Variants in RPF2 observed in about 807,000 individuals in gnomAD.
RPF2 encodes brix domain containing 1.
RPF2 carries 21 observed loss-of-function variants against 38.9 expected under a neutral mutation model. That is an observed-to-expected ratio of 0.54 (90% CI 0.38 to 0.78). RPF2 has a LOEUF of 0.78. Ranked by LOEUF, RPF2 falls within the 30% of genes least tolerant of loss-of-function variation. The probability of loss-of-function intolerance (pLI) is 0.00; values close to 1 mark genes in which losing one functional copy is unlikely to be tolerated. For synonymous variants in RPF2, 121 were observed against 126.2 expected, an observed-to-expected ratio of 0.96 and a Z score of 0.28; for missense variants, 314 against 358.1, an observed-to-expected ratio of 0.88 and a Z score of 0.99.
At chr6:110,983,431 C>T (rs763217348) in intron 1 of RPF2, among the ~76,000 whole-genome samples, 4 of 152,086 alleles carry the variant, frequency 2.6e-5, no homozygotes, top group Non-Finnish European at 5.9e-5. Flanking sequence ...ACTGCAGCCT[C>T]GACCTCCCTG....
rs1321509237 is a variant in RPF2, at chr6:111,026,853, A to AT, written c.*1274dup. On this transcript the variant is annotated 3_prime_UTR_variant, in exon 10 of 10. Transcript: ENST00000441448. Reference sequence around the variant, plus strand: ...AAGGTACAGACATACGCAAATCATAATTTGTTACATGAAGTACCAGTGCTT... The same window carrying AT: ...AAGGTACAGACATACGCAAATCATAATTTTGTTACATGAAGTACCAGTGCTT... 2.6e-5 allele frequency: 4 copies of AT among 152,198 alleles called. No individual in the cohort carries two copies. Among genetic ancestry groups the AT allele is most frequent in the African/African-American group, 9.7e-5 (4 of 41,448 alleles). 9.4% of individuals were successfully genotyped at this position (152,198 alleles called of 1,614,324 possible).
Position 110,997,173 on chromosome 6 carries a change from G to C in RPF2, c.235-10G>C. The C allele has an allele frequency of 6.6e-7, 1 of 1,513,512 alleles. No individual in the cohort carries two copies. The highest frequency in any genetic ancestry group is 1.1e-5 in the South Asian group (1 of 87,938). The allele number at this position is 1,513,512 out of a possible 1,614,324, so 93.8% of individuals were successfully genotyped here. On this transcript the variant is annotated splice_polypyrimidine_tract_variant and intron_variant, in intron 4 of 9. Coordinates refer to ENST00000441448, the MANE Select transcript of RPF2 (RefSeq NM_032194.3). ...TGCATGGACTAAATGGGATTTATTT[G>C]GTTTTATAGGAATTCTTTTCAAAGA...
At chr6:111,000,549 C>T (rs574812087) in intron 6 of RPF2, among the ~76,000 whole-genome samples, 1 of 152,134 alleles carries the variant, frequency 6.6e-6, no homozygotes, top group Non-Finnish European at 1.5e-5. Flanking sequence ...GGAGTTGCAT[C>T]TTTGTTTTAA....
intron 8 of RPF2, among the ~76,000 whole-genome samples, chr6:111,021,112 C>T (rs779139558): frequency 7.9e-5 from 12 of 152,062 alleles, no homozygotes; most frequent in African/African-American, 1.2e-4. Context: ...GAGATTGCAG[C>T]GAGCCTAGAT....
intron 8 of RPF2, among the ~76,000 whole-genome samples, chr6:111,019,729 CAT>C (rs1014054152): frequency 3.3e-5 from 5 of 151,988 alleles, no homozygotes; most frequent in African/African-American, 1.2e-4. Context: ...CCATCTCAGA[CAT>C]AAAGTAATAA....
intron 4 of RPF2, among the ~76,000 whole-genome samples, chr6:110,995,272 C>T (rs1471476271): frequency 6.6e-6 from 1 of 152,176 alleles, no homozygotes; most frequent in Non-Finnish European, 1.5e-5. Context: ...GGTGTGTTCA[C>T]ATATGACATC....
At chr6:110,984,907 T>C in intron 1 of RPF2, 99 bp from the exon 2 acceptor site, 2 of 1,277,348 alleles carry the variant, frequency 1.6e-6, no homozygotes, top group Non-Finnish European at 2.2e-6. Context: ...GAACCCTAAG[T>C]GACAAATATG....
At chr6:111,024,689 G>T (rs1177956945) in intron 9 of RPF2, among the ~76,000 whole-genome samples, 2 of 148,836 alleles carry the variant, frequency 1.3e-5, no homozygotes, top group Non-Finnish European at 3.0e-5. Context: ...CTCCAGCGTG[G>T]GTGACAGAGT....
At chr6:110,990,876 A>G (rs1771608985) in intron 3 of RPF2, among the ~76,000 whole-genome samples, 1 of 152,114 alleles carries the variant, frequency 6.6e-6, no homozygotes, top group South Asian at 2.1e-4. Context: ...CCCAGCTGGG[A>G]ACTCTTTTAC....
At chr6:111,025,013 G>T (rs1019051909) in intron 9 of RPF2, among the ~76,000 whole-genome samples, 1 of 152,180 alleles carries the variant, frequency 6.6e-6, no homozygotes, top group Non-Finnish European at 1.5e-5. Context: ...AAGACAAGAA[G>T]AAATGTAATC....
intron 8 of RPF2, among the ~76,000 whole-genome samples, chr6:111,020,892 C>T (rs1772220566): frequency 6.6e-6 from 1 of 152,012 alleles, no homozygotes. Flanking sequence ...TAAGGCCGGG[C>T]ACGGTGGCTC....
In RPF2 at chr6:110,999,642, G is replaced by A. The variant is rs894283693; in HGVS notation, c.317-69G>A. 1.5e-5 allele frequency: 14 copies of A among 941,170 alleles called. No homozygotes were observed. In the Admixed American group the frequency reaches 1.9e-4, roughly 13 times the overall value. 58.3% of individuals were successfully genotyped at this position (941,170 alleles called of 1,614,324 possible). Reference sequence around the variant, plus strand: ...GATATTAGGACATTTTGAATACACAGCTCTTGTGGGTATATGTAAGGTGGC... The same window carrying A: ...GATATTAGGACATTTTGAATACACAACTCTTGTGGGTATATGTAAGGTGGC... On this transcript the variant is annotated intron_variant, in intron 5 of 9. Transcript: ENST00000441448.
chr6:110,994,026 C>T (rs1202789409), intron 4 of RPF2, among the ~76,000 whole-genome samples: 10 of 152,138 alleles, frequency 6.6e-5, no homozygotes, highest in Admixed American at 6.6e-4. Context: ...CCTGTAATCC[C>T]AGCGCTCTGG....
chr6:111,025,354 C>A (rs1239837910), intron 9 of RPF2, 49 bp from the exon 10 acceptor site: 3 of 1,311,948 alleles, frequency 2.3e-6, no homozygotes, highest in Non-Finnish European at 3.2e-6. Flanking sequence ...TTTTTACTGG[C>A]TCATTATAGT....
Position 111,013,089 on chromosome 6 carries a change from C to T in RPF2, c.494-2665C>T, listed in dbSNP as rs559770084. On this transcript the variant is annotated intron_variant, in intron 7 of 9. Transcript: ENST00000441448. The stretch of plus-strand genomic sequence containing the variant: ...ACCACTTGCATGACGTCTTTCCCAA[C>T]TAGAAATGATCTTTCTCTCCTCAGA... Among the ~76,000 whole-genome samples, 10 of 152,338 alleles carry T rather than the reference C, an allele frequency of 6.6e-5. No individual in the cohort carries two copies. In the East Asian group the frequency reaches 1.9e-3, roughly 29 times the overall value.
In RPF2 at chr6:111,025,612, T is replaced by A; in HGVS notation, c.*30T>A. 1 of 1,534,152 alleles carries A rather than the reference T, an allele frequency of 6.5e-7. No individual in the cohort carries two copies. Among genetic ancestry groups the A allele is most frequent in the Non-Finnish European group, 8.9e-7 (1 of 1,123,802 alleles). ...ACTTAGCCAGCCACTACTGTTTCATTGTGTTCTACTTAAGAGAATTATCAA... is the reference window on the plus strand; with the variant it reads ...ACTTAGCCAGCCACTACTGTTTCATAGTGTTCTACTTAAGAGAATTATCAA... On this transcript the variant is annotated 3_prime_UTR_variant, in exon 10 of 10. Transcript: ENST00000441448.
chr6:111,003,136 A>G (rs1771842723), intron 6 of RPF2, among the ~76,000 whole-genome samples: 1 of 135,656 alleles, frequency 7.4e-6, no homozygotes, highest in Admixed American at 8.0e-5. Flanking sequence ...CCAATACCCC[A>G]TTATTTGGTT....
chr6:110,999,593 G>A, intron 5 of RPF2, 118 bp from the exon 6 acceptor site: 2 of 591,334 alleles, frequency 3.4e-6, no homozygotes, highest in South Asian at 4.8e-5. Flanking sequence ...ATGTTTGCGG[G>A]GGTATAGGGA....
rs1441995721 is a variant in RPF2 at position 110,999,738 on chromosome 6, A to G, written c.344A>G (p.Asp115Gly). 2 of 1,603,436 alleles carry G rather than the reference A, an allele frequency of 1.2e-6. No individual in the cohort carries two copies. Among genetic ancestry groups the G allele is most frequent in the Non-Finnish European group, 8.5e-7 (1 of 1,170,378 alleles). ...IGRMYDYHVL[D>G]MIELGIENFV... ...CGTATGTATGACTACCATGTGCTGG[A>G]TATGATTGAATTAGGTATTGAGAAT... The change falls in exon 6 of 10, where the codon GAT becomes GGT. Residue 115 changes from aspartate (D) to glycine (G), a missense_variant. Physicochemically the swap from Asp to Gly is moderately conservative, Grantham distance 94 (BLOSUM62 -1). Coordinates refer to ENST00000441448, the MANE Select transcript of RPF2 (RefSeq NM_032194.3).
Sources: allele counts gnomAD v4.1 joint callset (sites outside exome capture counted in the v4.1 genomes callset), GRCh38; gene constraint gnomAD v4.1.1; transcripts MANE v1.5; gene names NCBI Gene and HGNC (gene_info 2026-07-23, HGNC 2026-07-21).